FAM53A: variants seen among roughly 807,000 people sequenced by gnomAD.
The protein encoded by FAM53A is family with sequence similarity 53 member A.
FAM53A carries 28 observed loss-of-function variants against 26.6 expected under a neutral mutation model. The ratio of observed to expected loss-of-function variants is 1.05; its 90% confidence interval spans 0.78 to 1.45. FAM53A has a LOEUF of 1.45. FAM53A is among the 40% of genes most tolerant of loss of function. FAM53A has a pLI of 0.00. For missense variants in FAM53A, 650 were observed against 575.8 expected (o/e 1.13, Z -1.32); for synonymous variants, 290 against 253.1 (o/e 1.15, Z -1.38).
chr4:1,614,560 G>C (rs1366212728), downstream of FAM53A, among the ~76,000 whole-genome samples: 1 of 152,056 alleles, frequency 6.6e-6, no homozygotes, highest in African/African-American at 2.4e-5. Flanking sequence ...CAACAGAAGA[G>C]GCACAGCCCC....
chr4:1,576,800 G>A, the FAM53A span, among the ~76,000 whole-genome samples: 3 of 152,340 alleles, frequency 2.0e-5, no homozygotes, highest in South Asian at 4.1e-4. Context: ...AGAGGAGAGG[G>A]GCTGTGGCGG....
At chr4:1,627,019 C>T (rs1309446633) in intron 1 of FAM53A, among the ~76,000 whole-genome samples, 1 of 152,168 alleles carries the variant, frequency 6.6e-6, no homozygotes, top group Non-Finnish European at 1.5e-5. Flanking sequence ...AGAGTGGCAA[C>T]CATGGGCCCA....
At chr4:1,619,262 T>C (rs12641254) in intron 1 of FAM53A, among the ~76,000 whole-genome samples, 60,511 of 152,148 alleles carry the variant, frequency 0.4, 13,384 homozygotes, top group African/African-American at 0.59. Flanking sequence ...AGCGGCCCCT[T>C]ACCACTGCCC....
chr4:1,637,910 A>C (rs1715918456), downstream of FAM53A, among the ~76,000 whole-genome samples: 1 of 151,632 alleles, frequency 6.6e-6, no homozygotes, highest in Non-Finnish European at 1.5e-5. Flanking sequence ...CAGGCCCCCC[A>C]TTCCTCCCAT....
At chr4:1,644,048 C>T (rs1002518088) in intron 4 of FAM53A, 17 of 1,156,714 alleles carry the variant, frequency 1.5e-5, no homozygotes, top group Middle Eastern at 4.9e-4. Flanking sequence ...GCGTGGAGGT[C>T]CGGGTCTCAC....
intron 2 of FAM53A, among the ~76,000 whole-genome samples, chr4:1,666,284 C>T (rs542151146): frequency 7.3e-6 from 1 of 137,622 alleles, no homozygotes; most frequent in African/African-American, 2.8e-5. Context: ...ACCTGCACCC[C>T]CTGTATCTAA....
At chr4:1,667,928 G>GC in intron 2 of FAM53A, among the ~76,000 whole-genome samples, 1 of 152,282 alleles carries the variant, frequency 6.6e-6, no homozygotes, top group South Asian at 2.1e-4. Flanking sequence ...ATGACTGTAG[G>GC]AAAATCAAGC....
chr4:1,654,748 G>C (rs928800805), intron 4 of FAM53A, among the ~76,000 whole-genome samples: 1 of 152,224 alleles, frequency 6.6e-6, no homozygotes, highest in African/African-American at 2.4e-5. Context: ...GCCGTGTGTG[G>C]GGCTCTGCCT....
chr4:1,626,513 C>T (rs142500028), intron 1 of FAM53A, among the ~76,000 whole-genome samples: 11 of 150,780 alleles, frequency 7.3e-5, no homozygotes, highest in Admixed American at 2.0e-4. Flanking sequence ...GGGGAGGACC[C>T]GGGACAGTGT....
chr4:1,595,931 G>A, the FAM53A span, among the ~76,000 whole-genome samples: 16 of 152,212 alleles, frequency 1.1e-4, no homozygotes, highest in East Asian at 1.9e-4. Context: ...CCACAGGACC[G>A]GGTGTGACCC....
At chr4:1,671,756 G>A (rs954328998) in intron 1 of FAM53A, among the ~76,000 whole-genome samples, 7 of 152,242 alleles carry the variant, frequency 4.6e-5, no homozygotes, top group Non-Finnish European at 2.9e-5. Flanking sequence ...CGTGCACCAC[G>A]AGGGGCTGCA....
chr4:1,585,276 C>CTTTTTT, the FAM53A span, among the ~76,000 whole-genome samples: 1 of 75,960 alleles, frequency 1.3e-5, no homozygotes, highest in African/African-American at 4.2e-5. Flanking sequence ...CTCTCTCTCT[C>CTTTTTT]TTTTTTTTTT....
downstream of FAM53A, among the ~76,000 whole-genome samples, chr4:1,636,273 C>T (rs946356955): frequency 3.3e-5 from 5 of 152,174 alleles, no homozygotes; most frequent in African/African-American, 4.8e-5. Context: ...ATTCCATAGA[C>T]ACCCCTCCGC....
intron 2 of FAM53A, among the ~76,000 whole-genome samples, chr4:1,668,077 G>C (rs763809110): frequency 5.4e-4 from 83 of 152,344 alleles, no homozygotes; most frequent in Non-Finnish European, 3.5e-4. Flanking sequence ...ACCTGCGCTT[G>C]GGGCTCCAGC....
the FAM53A span, among the ~76,000 whole-genome samples, chr4:1,587,277 C>T: frequency 6.6e-6 from 1 of 152,126 alleles, no homozygotes; most frequent in African/African-American, 2.4e-5. Context: ...TCTTTTGTTG[C>T]CTGTGCTTTT....
At chr4:1,668,524 C>T in intron 2 of FAM53A, 143 bp downstream of exon 2, 1 of 773,178 alleles carries the variant, frequency 1.3e-6, no homozygotes, top group Non-Finnish European at 2.1e-6. Flanking sequence ...CCCACATGTG[C>T]ACCAGACACC....
chr4:1,615,151 GTA>G (rs1714759658), downstream of FAM53A, among the ~76,000 whole-genome samples: 3 of 149,702 alleles, frequency 2.0e-5, no homozygotes, highest in African/African-American at 7.4e-5. Flanking sequence ...CCCCACCTGG[GTA>G]CACACGGAAG....
At chr4:1,614,005 G>A (rs771341794), downstream of FAM53A, among the ~76,000 whole-genome samples, 11 of 152,178 alleles carry the variant, frequency 7.2e-5, no homozygotes, top group Admixed American at 3.3e-4. Context: ...CCAAAGACTC[G>A]GCGATTCTCA....
At chr4:1,631,251 G>A (rs889694529) in intron 1 of FAM53A, among the ~76,000 whole-genome samples, 2 of 152,186 alleles carry the variant, frequency 1.3e-5, no homozygotes, top group East Asian at 1.9e-4. Context: ...CTTTTGCCCC[G>A]GGAGCTGCAA....
Sources: gnomAD v4.1 joint callset for allele counts (sites outside exome capture counted in the v4.1 genomes callset) on GRCh38, gnomAD v4.1.1 for gene constraint, MANE v1.5 for transcripts, NCBI Gene and HGNC (gene_info 2026-07-23, HGNC 2026-07-21) for gene names.